The following TCF7L2 variants were observed in gnomAD, a reference collection of about 807,000 sequenced individuals.
TCF7L2 encodes the protein transcription factor 7-like 2.
TCF7L2 carries 23 observed loss-of-function variants against 77.9 expected under a neutral mutation model. The ratio of observed to expected loss-of-function variants is 0.30; its 90% CI spans 0.21 to 0.42. TCF7L2 has a LOEUF of 0.42. Ranked by LOEUF, TCF7L2 falls within the 10% of genes least tolerant of loss-of-function variation. TCF7L2 has a pLI of 1.00. For synonymous variants in TCF7L2, 413 were observed against 340.2 expected, an observed-to-expected ratio of 1.21 and a Z score of -2.36; for missense variants, 654 against 793.1, an observed-to-expected ratio of 0.82 and a Z score of 2.11.
chr10:113,134,141 G>A (rs1305575285), intron 5 of TCF7L2, among the ~76,000 whole-genome samples: 6 of 152,206 alleles, frequency 3.9e-5, no homozygotes, highest in African/African-American at 1.4e-4. Context: ...CTGGGAGCAA[G>A]GCCTTAGACA....
intron 5 of TCF7L2, among the ~76,000 whole-genome samples, chr10:113,140,105 C>T (rs149721099): frequency 9.1e-4 from 138 of 152,206 alleles, no homozygotes; most frequent in African/African-American, 3.1e-3. Flanking sequence ...AGGATTTTAG[C>T]GAAAATCCTC....
At chr10:113,074,516 A>G (rs565808310) in intron 5 of TCF7L2, among the ~76,000 whole-genome samples, 1 of 152,256 alleles carries the variant, frequency 6.6e-6, no homozygotes, top group East Asian at 1.9e-4. Flanking sequence ...AATATTAGGG[A>G]CATTTAAAAG....
intron 5 of TCF7L2, among the ~76,000 whole-genome samples, chr10:113,064,818 C>G (rs1235455924): frequency 6.6e-6 from 1 of 152,286 alleles, no homozygotes; most frequent in East Asian, 1.9e-4. Context: ...TTGTCATTCC[C>G]AAAATGAAAT....
intron 5 of TCF7L2, among the ~76,000 whole-genome samples, chr10:113,100,813 C>T (rs1207070439): frequency 1.3e-5 from 2 of 152,128 alleles, no homozygotes; most frequent in African/African-American, 2.4e-5. Flanking sequence ...TGGTGGCTCA[C>T]GCCTGTAATC....
At chr10:113,108,156 T>C in intron 5 of TCF7L2, among the ~76,000 whole-genome samples, 1 of 152,136 alleles carries the variant, frequency 6.6e-6, no homozygotes, top group South Asian at 2.1e-4. Flanking sequence ...CAAATGTTTT[T>C]AGCTGGAGGT....
At chr10:113,097,646 G>GAAAAAA (rs869133669) in intron 5 of TCF7L2, among the ~76,000 whole-genome samples, 3 of 36,742 alleles carry the variant, frequency 8.2e-5, no homozygotes, top group South Asian at 1.8e-3. Context: ...TCTTGTCTCG[G>GAAAAAA]AAAAAAAAAA....
intron 11 of TCF7L2, 193 bp from the exon 12 acceptor site, chr10:113,157,828 C>A (rs1270325914): frequency 8.9e-6 from 5 of 561,656 alleles, no homozygotes; most frequent in African/African-American, 1.9e-5. Flanking sequence ...AAGCGTGTGT[C>A]CCTCCAGCTG....
chr10:112,990,784 C>T (rs1050345941), intron 4 of TCF7L2, among the ~76,000 whole-genome samples: 4 of 152,168 alleles, frequency 2.6e-5, no homozygotes, highest in Admixed American at 6.6e-5. Flanking sequence ...CATGGCCAAG[C>T]CACTTTCTCA....
intron 4 of TCF7L2, among the ~76,000 whole-genome samples, chr10:113,020,103 G>A (rs1564791909): frequency 6.6e-6 from 1 of 152,184 alleles, no homozygotes; most frequent in Non-Finnish European, 1.5e-5. Context: ...TTAGAAGTGA[G>A]TGTGTGTGTT....
chr10:113,029,885 ACT>A lies in TCF7L2; in HGVS notation c.451-10137_451-10136del, dbSNP rs1359438995. ...TGGTCACCATCAAAGATGGTGCCTG[ACT>A]CTTTTTTGTTTTCAGTTCATCTTAA... On this transcript the variant is annotated intron_variant, in intron 4 of 13. Transcript: ENST00000627217. Among the ~76,000 whole-genome samples the A allele has an allele frequency of 2.6e-5, 4 of 151,808 alleles. No homozygotes were observed. The East Asian group carries it at 5.8e-4, about 22-fold the overall frequency.
At chr10:113,077,773 C>A (rs1483329081) in intron 5 of TCF7L2, among the ~76,000 whole-genome samples, 1 of 149,020 alleles carries the variant, frequency 6.7e-6, no homozygotes, top group African/African-American at 2.5e-5. Context: ...TATCTCGGCT[C>A]ACTGCAACCT....
At chr10:112,957,353 A>G (rs2134369104) in intron 3 of TCF7L2, among the ~76,000 whole-genome samples, 1 of 151,946 alleles carries the variant, frequency 6.6e-6, no homozygotes, top group South Asian at 2.1e-4. Context: ...CACTAGTTAA[A>G]CTAGTTAACG....
chr10:113,162,369 A>T (rs1406177459), intron 13 of TCF7L2, among the ~76,000 whole-genome samples: 1 of 152,100 alleles, frequency 6.6e-6, no homozygotes, highest in Non-Finnish European at 1.5e-5. Context: ...CAGTTGCTGC[A>T]AGTCAGACTT....
At chr10:113,040,225 T>G (rs975089011) in intron 5 of TCF7L2, 99 bp downstream of exon 5, 1 of 1,007,690 alleles carries the variant, frequency 9.9e-7, no homozygotes. Flanking sequence ...TTTTTTTCTT[T>G]CTTTAAACAC....
chr10:113,024,140 A>G (rs145378137), intron 4 of TCF7L2, among the ~76,000 whole-genome samples: 2,150 of 152,086 alleles, frequency 0.014, 28 homozygotes, highest in Non-Finnish European at 0.021. Context: ...TCTACTAAAA[A>G]TACAAAAATT....
At chr10:113,120,467 G>A (rs1010643717) in intron 5 of TCF7L2, among the ~76,000 whole-genome samples, 7 of 152,200 alleles carry the variant, frequency 4.6e-5, no homozygotes, top group Non-Finnish European at 1.0e-4. Flanking sequence ...AGAGTATCTT[G>A]TAGTACTAAT....
intron 5 of TCF7L2, among the ~76,000 whole-genome samples, chr10:113,111,102 G>A (rs546394377): frequency 6.6e-6 from 1 of 150,666 alleles, no homozygotes; most frequent in Admixed American, 6.6e-5. Flanking sequence ...TATAAATCAA[G>A]CTTTTCAGTT....
intron 13 of TCF7L2, among the ~76,000 whole-genome samples, chr10:113,161,076 T>C (rs945915570): frequency 2.6e-5 from 4 of 152,208 alleles, no homozygotes; most frequent in African/African-American, 9.7e-5. Flanking sequence ...AGTTAACACT[T>C]GGCAGCAATT....
chr10:113,117,388 T>C (rs1049891208), intron 5 of TCF7L2, among the ~76,000 whole-genome samples: 22 of 25,106 alleles, frequency 8.8e-4, no homozygotes, highest in African/African-American at 4.0e-3. Flanking sequence ...TCTCTCTCTC[T>C]CTCTCTCTCT....
Sources: allele counts gnomAD v4.1 joint callset (sites outside exome capture counted in the v4.1 genomes callset), GRCh38; gene constraint gnomAD v4.1.1; transcripts MANE v1.5; gene names NCBI Gene and HGNC (gene_info 2026-07-23, HGNC 2026-07-21).